The following DYNC1I1 variants were observed in gnomAD, a reference collection of about 807,000 sequenced individuals.
The protein encoded by DYNC1I1 is dynein cytoplasmic 1 intermediate chain 1.
In DYNC1I1, 43 loss-of-function variants were observed where a neutral mutation model predicts 86.6. The observed-to-expected ratio is 0.50, with a 90% CI of 0.39 to 0.64. The LOEUF (loss-of-function observed/expected upper bound fraction) is 0.64, where lower values mean the gene tolerates loss of function less well. Ranked by LOEUF, DYNC1I1 falls within the 30% of genes least tolerant of loss-of-function variation. The pLI is 0.00. For synonymous variants in DYNC1I1, 262 were observed against 283.7 expected (o/e 0.92, Z 0.77); for missense variants, 604 against 788.8 (o/e 0.77, Z 2.81).
intron 5 of DYNC1I1, among the ~76,000 whole-genome samples, chr7:95,849,792 TG>T (rs1789529728): frequency 6.6e-6 from 1 of 152,200 alleles, no homozygotes; most frequent in African/African-American, 2.4e-5. Flanking sequence ...ACATAGAATT[TG>T]TAGGTCACTT....
chr7:96,071,571 C>T (rs993675964), intron 14 of DYNC1I1, among the ~76,000 whole-genome samples: 2 of 152,158 alleles, frequency 1.3e-5, no homozygotes, highest in Non-Finnish European at 2.9e-5. Context: ...TGAAACAGGT[C>T]TTTACCTTCT....
At position 96,022,261 on chromosome 7, in the gene DYNC1I1, A is replaced by G. The variant is rs1382404281; in HGVS notation, c.970-5914A>G. 2.6e-5 allele frequency among the ~76,000 whole-genome samples: 4 copies of G among 152,198 alleles called. No homozygotes were observed. The South Asian group carries it at 6.2e-4, about 24-fold the overall frequency. Reference sequence around the variant, plus strand: ...CACTACCTTTGTATTCTCAGCATAAAAGCCAGGACAAGGCACGTGATAGGG... The same window carrying G: ...CACTACCTTTGTATTCTCAGCATAAGAGCCAGGACAAGGCACGTGATAGGG... On this transcript the variant is annotated intron_variant, in intron 10 of 16. Coordinates refer to ENST00000447467, the MANE Select transcript of DYNC1I1 (RefSeq NM_001135556.2).
intron 6 of DYNC1I1, among the ~76,000 whole-genome samples, chr7:95,942,015 T>A (rs1792238662): frequency 6.6e-6 from 1 of 151,960 alleles, no homozygotes; most frequent in African/African-American, 2.4e-5. Flanking sequence ...AAGAAATAAC[T>A]AAAAGCAGAG....
chr7:95,849,760 C>T (rs926081546), intron 5 of DYNC1I1, among the ~76,000 whole-genome samples: 4 of 151,938 alleles, frequency 2.6e-5, no homozygotes, highest in Non-Finnish European at 4.4e-5. Context: ...TAAAAAATTT[C>T]GCTGGTATTT....
intron 6 of DYNC1I1, among the ~76,000 whole-genome samples, chr7:95,964,116 A>G (rs1485918103): frequency 6.6e-6 from 1 of 152,210 alleles, no homozygotes; most frequent in Non-Finnish European, 1.5e-5. Context: ...TGTGCTAATG[A>G]TCTTCCTTGA....
intron 6 of DYNC1I1, among the ~76,000 whole-genome samples, chr7:95,964,894 A>G (rs1324234470): frequency 2.0e-5 from 3 of 152,338 alleles, no homozygotes; most frequent in Non-Finnish European, 4.4e-5. Context: ...GGGAATACCA[A>G]TGCAAAAGCT....
intron 5 of DYNC1I1, among the ~76,000 whole-genome samples, chr7:95,864,789 T>C (rs1019006223): frequency 9.9e-5 from 15 of 152,130 alleles, no homozygotes; most frequent in Non-Finnish European, 4.4e-5. Flanking sequence ...ATAATGAAGT[T>C]CAAAGACGTC....
intron 10 of DYNC1I1, among the ~76,000 whole-genome samples, chr7:96,022,003 A>G (rs878901758): frequency 9.2e-5 from 14 of 152,034 alleles, no homozygotes; most frequent in Admixed American, 8.5e-4. Flanking sequence ...TATTTTTTCA[A>G]TTATCTTGGG....
At chr7:95,989,477 GTT>G (rs1793676569) in intron 9 of DYNC1I1, among the ~76,000 whole-genome samples, 6 of 152,152 alleles carry the variant, frequency 3.9e-5, no homozygotes, top group Non-Finnish European at 8.8e-5. Flanking sequence ...AGCTCAGCTT[GTT>G]CACTTGTTCA....
chr7:95,791,212 G>A (rs1050396617), intron 1 of DYNC1I1, among the ~76,000 whole-genome samples: 1 of 152,014 alleles, frequency 6.6e-6, no homozygotes, highest in African/African-American at 2.4e-5. Context: ...CCTTTAATAT[G>A]ATAGTTTAAA....
At chr7:95,930,169 G>A (rs528762979) in intron 6 of DYNC1I1, among the ~76,000 whole-genome samples, 1 of 152,204 alleles carries the variant, frequency 6.6e-6, no homozygotes, top group Non-Finnish European at 1.5e-5. Flanking sequence ...AGCCTGGCTG[G>A]TTGCTAAATT....
intron 2 of DYNC1I1, among the ~76,000 whole-genome samples, chr7:95,808,720 A>G (rs1282860999): frequency 6.6e-6 from 1 of 152,030 alleles, no homozygotes; most frequent in African/African-American, 2.4e-5. Context: ...CAGCTGACAA[A>G]TTTTTCTTTC....
chr7:95,972,627 A>C (rs974469808), intron 6 of DYNC1I1, among the ~76,000 whole-genome samples: 1 of 151,910 alleles, frequency 6.6e-6, no homozygotes, highest in Non-Finnish European at 1.5e-5. Flanking sequence ...GTTCCACTGC[A>C]CTCCCCTTCA....
chr7:95,873,585 C>T (rs1358836680), intron 6 of DYNC1I1, among the ~76,000 whole-genome samples: 1 of 152,188 alleles, frequency 6.6e-6, no homozygotes, highest in Non-Finnish European at 1.5e-5. Flanking sequence ...TTTCCTCCAT[C>T]CTCTGGCCTA....
At chr7:96,062,134 G>A (rs546073828) in intron 14 of DYNC1I1, among the ~76,000 whole-genome samples, 188 of 152,312 alleles carry the variant, frequency 1.2e-3, no homozygotes, top group African/African-American at 4.4e-3. Flanking sequence ...CCTGGCCCAC[G>A]TCCAGCTGCA....
At chr7:95,842,400 G>A (rs965181997) in intron 5 of DYNC1I1, among the ~76,000 whole-genome samples, 1 of 152,188 alleles carries the variant, frequency 6.6e-6, no homozygotes. Flanking sequence ...AAAGTAAACA[G>A]TTCCAGGTGC....
chr7:96,092,648 G>A (rs938065686), intron 16 of DYNC1I1, among the ~76,000 whole-genome samples: 47 of 152,108 alleles, frequency 3.1e-4, no homozygotes, highest in African/African-American at 1.1e-3. Context: ...AGGTGGGACC[G>A]GGTTCAGAGG....
intron 1 of DYNC1I1, among the ~76,000 whole-genome samples, chr7:95,780,753 T>C (rs1457782245): frequency 6.6e-6 from 1 of 152,132 alleles, no homozygotes; most frequent in Non-Finnish European, 1.5e-5. Flanking sequence ...TATCAAGTTG[T>C]TGAATGTTAA....
At chr7:95,944,353 A>G (rs1017117280) in intron 6 of DYNC1I1, among the ~76,000 whole-genome samples, 2 of 152,134 alleles carry the variant, frequency 1.3e-5, no homozygotes, top group Non-Finnish European at 2.9e-5. Context: ...TAGAATGGCA[A>G]TCATTAAAAG....
Sources: allele counts gnomAD v4.1 joint callset (sites outside exome capture counted in the v4.1 genomes callset), GRCh38; gene constraint gnomAD v4.1.1; transcripts MANE v1.5; gene names NCBI Gene and HGNC (gene_info 2026-07-23, HGNC 2026-07-21).